The following NR2C1 variants were observed in gnomAD, a reference collection of about 807,000 sequenced individuals.
NR2C1 encodes the protein TR2 nuclear hormone receptor.
In NR2C1, 33 loss-of-function variants were observed where a neutral mutation model predicts 74.8. The ratio of observed to expected loss-of-function variants is 0.44; its 90% CI spans 0.33 to 0.59. The LOEUF is 0.59. NR2C1 is among the 20% of genes least tolerant of loss of function. The probability of loss-of-function intolerance (pLI) is 0.02; values close to 1 mark genes in which losing one functional copy is unlikely to be tolerated. For synonymous variants in NR2C1, 225 were observed against 240.6 expected (o/e 0.94, Z 0.60); for missense variants, 568 against 715.6 (o/e 0.79, Z 2.35).
At chr12:95,048,153 T>C (rs551756114) in intron 9 of NR2C1, among the ~76,000 whole-genome samples, 150 of 152,226 alleles carry the variant, frequency 9.9e-4, no homozygotes, top group African/African-American at 3.5e-3. Context: ...CTCCAACTCC[T>C]GGACTCATGC....
intron 1 of NR2C1, among the ~76,000 whole-genome samples, chr12:95,073,178 G>A (rs1020712196): frequency 6.6e-6 from 1 of 152,210 alleles, no homozygotes; most frequent in African/African-American, 2.4e-5. Context: ...CCGGGGCCCC[G>A]CGCATTTGGC....
At chr12:95,054,929 T>A (rs149929727) in intron 7 of NR2C1, among the ~76,000 whole-genome samples, 1,975 of 152,264 alleles carry the variant, frequency 0.013, 15 homozygotes, top group Middle Eastern at 0.041. Flanking sequence ...TGTCCCTGGG[T>A]ACTTGAGATT....
chr12:95,036,375 TC>T (rs1230435342), intron 10 of NR2C1, among the ~76,000 whole-genome samples: 4 of 151,588 alleles, frequency 2.6e-5, no homozygotes, highest in African/African-American at 9.7e-5. Flanking sequence ...GAGTTCAAGA[TC>T]AGCCTGGACA....
intron 1 of NR2C1, among the ~76,000 whole-genome samples, chr12:95,070,910 T>C (rs970531025): frequency 6.6e-6 from 1 of 152,204 alleles, no homozygotes; most frequent in African/African-American, 2.4e-5. Flanking sequence ...CTTTTAAGAT[T>C]TGGTTCAAGC....
intron 9 of NR2C1, among the ~76,000 whole-genome samples, chr12:95,043,689 C>CAAA (rs34229669): frequency 0.051 from 4,810 of 94,162 alleles, 322 homozygotes; most frequent in Middle Eastern, 0.12. Flanking sequence ...GACTCTGTCT[C>CAAA]AAAAAAAAAA....
intron 10 of NR2C1, among the ~76,000 whole-genome samples, chr12:95,039,948 ACTCTT>A: frequency 6.6e-6 from 1 of 151,326 alleles, no homozygotes; most frequent in Non-Finnish European, 1.5e-5. Flanking sequence ...CCTCAGATGT[ACTCTT>A]GAGTGGTAAG....
intron 1 of NR2C1, among the ~76,000 whole-genome samples, chr12:95,070,019 T>C (rs1387709246): frequency 6.6e-6 from 1 of 152,252 alleles, no homozygotes; most frequent in African/African-American, 2.4e-5. Flanking sequence ...AAGGCTGCTC[T>C]GATAGCAGTG....
chr12:95,024,751 T>C, intron 13 of NR2C1, among the ~76,000 whole-genome samples: 1 of 152,324 alleles, frequency 6.6e-6, no homozygotes, highest in Middle Eastern at 3.4e-3. Flanking sequence ...TTGTATTTTT[T>C]TGTAGAAACA....
intron 9 of NR2C1, among the ~76,000 whole-genome samples, chr12:95,043,753 G>C (rs1333929941): frequency 6.6e-6 from 1 of 150,524 alleles, no homozygotes; most frequent in East Asian, 1.9e-4. Flanking sequence ...ATTAATACTT[G>C]TAATGTGTAA....
chr12:95,059,873 T>C (rs765140337), intron 4 of NR2C1, 33 bp downstream of exon 4: 1 of 1,487,598 alleles, frequency 6.7e-7, no homozygotes. Context: ...TTATTTTTTT[T>C]TTCTGTTTTT....
rs762560883 is a variant in NR2C1 at position 95,067,374 on chromosome 12, A to G, written c.11T>C (p.Ile4Thr). ...AATAATTTGATGTGCAATTTCTTCTATGGTTGCCATGATCTACCTGCCAAA... is the reference window on the plus strand; with the variant it reads ...AATAATTTGATGTGCAATTTCTTCTGTGGTTGCCATGATCTACCTGCCAAA... MAT[I>T]EEIAHQIIEQ... Residue 4 changes from isoleucine (I) to threonine (T), a missense_variant, in exon 2 of 14, where the codon ATA (isoleucine) becomes ACA (threonine). Physicochemically the swap from Ile to Thr is moderately conservative, Grantham distance 89. Coordinates refer to ENST00000333003, the MANE Select transcript of NR2C1 (RefSeq NM_003297.4). The G allele has an allele frequency of 1.2e-6, 2 of 1,613,000 alleles. No individual in the cohort carries two copies. Among genetic ancestry groups the G allele is most frequent in the African/African-American group, 2.7e-5 (2 of 74,908 alleles).
intron 9 of NR2C1, among the ~76,000 whole-genome samples, chr12:95,045,985 A>G (rs1872264126): frequency 6.6e-6 from 1 of 151,970 alleles, no homozygotes; most frequent in South Asian, 2.1e-4. Context: ...GGTTATAGGC[A>G]TGCACCACTA....
At chr12:95,023,907 A>G (rs1174235910) in intron 13 of NR2C1, among the ~76,000 whole-genome samples, 1 of 152,216 alleles carries the variant, frequency 6.6e-6, no homozygotes, top group East Asian at 1.9e-4. Flanking sequence ...CCACCTTTTC[A>G]AAAAGACTGT....
intron 11 of NR2C1, among the ~76,000 whole-genome samples, chr12:95,029,702 G>A (rs1209350215): frequency 6.6e-6 from 1 of 151,510 alleles, no homozygotes; most frequent in Non-Finnish European, 1.5e-5. Context: ...GATTACAGGC[G>A]CTTGCCACCA....
At chr12:95,036,508 T>C (rs1023421974) in intron 10 of NR2C1, among the ~76,000 whole-genome samples, 2 of 151,390 alleles carry the variant, frequency 1.3e-5, no homozygotes, top group South Asian at 2.1e-4. Flanking sequence ...ATATTGTGGG[T>C]TTACTTTTTT....
intron 1 of NR2C1, among the ~76,000 whole-genome samples, chr12:95,069,368 G>A (rs1414518117): frequency 6.6e-6 from 1 of 152,094 alleles, no homozygotes; most frequent in Non-Finnish European, 1.5e-5. Flanking sequence ...TACAATAGCG[G>A]TACCACAAGT....
At chr12:95,072,272 C>CA (rs1169303289) in intron 1 of NR2C1, among the ~76,000 whole-genome samples, 6 of 141,542 alleles carry the variant, frequency 4.2e-5, no homozygotes, top group African/African-American at 1.6e-4. Context: ...ACTAAAAATA[C>CA]AAAAAACAAA....
chr12:95,034,563 C>T (rs1870577859), intron 10 of NR2C1, among the ~76,000 whole-genome samples: 1 of 152,052 alleles, frequency 6.6e-6, no homozygotes, highest in Admixed American at 6.6e-5. Flanking sequence ...TTTCTTAGAC[C>T]CAGCAATTTC....
At position 95,040,586 on chromosome 12, in the gene NR2C1, A is replaced by C. The variant is rs1170739752; in HGVS notation, c.1143T>G (p.Pro381=). 1 of 1,611,302 alleles carries C rather than the reference A, an allele frequency of 6.2e-7. No homozygotes were observed. The highest frequency in any genetic ancestry group is 1.3e-5 in the African/African-American group (1 of 74,898). ...DSHVAFRLTM[P]SPMPEYLNVH... ...CATTCAGGTACTCAGGCATAGGAGA[A>C]GGCATGGTGAGCTAGTATGAACAGG... Residue 381 remains proline (P), a synonymous_variant, in exon 10 of 14, where the codon CCT becomes CCG. Coordinates refer to ENST00000333003, the MANE Select transcript of NR2C1 (RefSeq NM_003297.4).
Sources: gnomAD v4.1 joint callset for allele counts (sites outside exome capture counted in the v4.1 genomes callset) on GRCh38, gnomAD v4.1.1 for gene constraint, MANE v1.5 for transcripts, NCBI Gene and HGNC (gene_info 2026-07-23, HGNC 2026-07-21) for gene names.